ELP4: variants seen among roughly 807,000 people sequenced by gnomAD.
ELP4 encodes the protein elongator complex protein 4.
In ELP4, 51 loss-of-function variants were observed where a neutral mutation model predicts 48.9. The ratio of observed to expected loss-of-function variants is 1.04; its 90% CI spans 0.83 to 1.32. The LOEUF (loss-of-function observed/expected upper bound fraction) is 1.32, where lower values mean the gene tolerates loss of function less well. Among genes scored for constraint, ELP4 ranks in the 40% most tolerant of loss-of-function variants. The pLI is 0.00. For missense variants in ELP4, 519 were observed against 514.6 expected, an observed-to-expected ratio of 1.01 and a Z score of -0.08; for synonymous variants, 210 against 189.2, an observed-to-expected ratio of 1.11 and a Z score of -0.90.
chr11:31,566,526 C>T (rs942746367), intron 3 of ELP4, among the ~76,000 whole-genome samples: 8 of 152,062 alleles, frequency 5.3e-5, no homozygotes, highest in African/African-American at 1.9e-4. Flanking sequence ...TGAAGAGTTA[C>T]CAGGTAGTCA....
chr11:31,768,226 A>G (rs1017214138), intron 9 of ELP4, among the ~76,000 whole-genome samples: 1 of 152,230 alleles, frequency 6.6e-6, no homozygotes, highest in Non-Finnish European at 1.5e-5. Flanking sequence ...ATATACTTAC[A>G]CTTAAATATA....
intron 1 of ELP4, chr11:31,510,747 T>A (rs1294067856): frequency 5.4e-6 from 1 of 186,238 alleles, no homozygotes; most frequent in African/African-American, 2.3e-5. Context: ...CTTTAAAATC[T>A]CTGGAATTTT....
chr11:31,664,567 G>A (rs1407081880), intron 9 of ELP4: 7 of 151,794 alleles, frequency 4.6e-5, no homozygotes, highest in Admixed American at 4.6e-4. Flanking sequence ...ATTTAGATTA[G>A]GTTCTTCCAC....
chr11:31,593,236 T>G (rs1957615687), intron 3 of ELP4, among the ~76,000 whole-genome samples: 2 of 24,592 alleles, frequency 8.1e-5, no homozygotes, highest in African/African-American at 1.2e-4. Flanking sequence ...ACTGTTGTTG[T>G]TGTTGTTGTT....
intron 5 of ELP4, among the ~76,000 whole-genome samples, chr11:31,615,459 ATTG>A (rs200202765): frequency 6.8e-4 from 104 of 152,082 alleles, no homozygotes; most frequent in African/African-American, 9.6e-4. Context: ...AGCCATCATA[ATTG>A]TTATTATTTC....
chr11:31,655,378 G>A (rs1445580767), intron 9 of ELP4, among the ~76,000 whole-genome samples: 1 of 149,770 alleles, frequency 6.7e-6, no homozygotes. Context: ...GAAGAGATAA[G>A]AAAAAAAAAA....
intron 9 of ELP4, among the ~76,000 whole-genome samples, chr11:31,719,042 T>G (rs1040608148): frequency 1.3e-5 from 2 of 152,096 alleles, no homozygotes; most frequent in African/African-American, 4.8e-5. Context: ...GAGGATCACT[T>G]GAGCCCAGGA....
intron 5 of ELP4, among the ~76,000 whole-genome samples, chr11:31,614,875 G>A (rs558429864): frequency 2.2e-4 from 33 of 152,272 alleles, no homozygotes; most frequent in Admixed American, 2.2e-3. Flanking sequence ...CTTCCATATT[G>A]AAGGAGACTG....
At chr11:31,709,073 A>G (rs1459658566) in intron 9 of ELP4, among the ~76,000 whole-genome samples, 1 of 152,096 alleles carries the variant, frequency 6.6e-6, no homozygotes, top group East Asian at 1.9e-4. Context: ...CTACTCTCTA[A>G]CAACTCTCTG....
At chr11:31,556,287 T>C (rs751409534) in intron 3 of ELP4, among the ~76,000 whole-genome samples, 4 of 151,934 alleles carry the variant, frequency 2.6e-5, no homozygotes, top group Non-Finnish European at 5.9e-5. Flanking sequence ...TATAAGTATT[T>C]TTCAGTTAGC....
rs896010820 is a variant in ELP4 at position 31,684,857 on chromosome 11, G to A, written c.1143+34636G>A. 1.4e-4 allele frequency among the ~76,000 whole-genome samples: 21 copies of A among 152,156 alleles called. 1 individual carries two copies. The highest frequency in any genetic ancestry group is 4.8e-4 in the African/African-American group (20 of 41,440). Reference sequence around the variant, plus strand: ...CAATAGACTTTTAGAAAGAAACACTGAACACTGTCTTCACAGGGAGTGTCT... The same window carrying A: ...CAATAGACTTTTAGAAAGAAACACTAAACACTGTCTTCACAGGGAGTGTCT... On this transcript the variant is annotated intron_variant, in intron 9 of 9. Coordinates refer to ENST00000640961, the MANE Select transcript of ELP4 (RefSeq NM_019040.5).
chr11:31,559,289 C>G (rs1454822277), intron 3 of ELP4, among the ~76,000 whole-genome samples: 3 of 152,184 alleles, frequency 2.0e-5, no homozygotes, highest in African/African-American at 4.8e-5. Context: ...GAAACTGACA[C>G]CTGCAGCAAG....
At chr11:31,544,691 C>A (rs1000504188) in intron 3 of ELP4, among the ~76,000 whole-genome samples, 1 of 152,242 alleles carries the variant, frequency 6.6e-6, no homozygotes, top group Non-Finnish European at 1.5e-5. Flanking sequence ...GATGGGCAGA[C>A]TGCCTCCTCA....
At chr11:31,777,868 G>A (rs1175275747) in intron 9 of ELP4, among the ~76,000 whole-genome samples, 1 of 152,210 alleles carries the variant, frequency 6.6e-6, no homozygotes, top group African/African-American at 2.4e-5. Flanking sequence ...GAGGGTAGGA[G>A]TGTCTCTGTA....
At chr11:31,684,918 A>T (rs898941896) in intron 9 of ELP4, among the ~76,000 whole-genome samples, 1 of 152,236 alleles carries the variant, frequency 6.6e-6, no homozygotes, top group Admixed American at 6.5e-5. Context: ...GGAGCTGCTG[A>T]TATTCCTGAT....
intron 5 of ELP4, among the ~76,000 whole-genome samples, chr11:31,624,129 G>C (rs1944688834): frequency 1.3e-5 from 2 of 151,924 alleles, no homozygotes; most frequent in South Asian, 4.2e-4. Context: ...AACAGCCATT[G>C]TAGAAAACAG....
In ELP4 at chr11:31,730,981, A is replaced by G. The variant is rs578054178; in HGVS notation, c.1144-52412A>G. ...GATTACAAGCTCCTGAAAAAAAAAAAGAAGCCAGCAAATCTAAGTAAAAAT... is the reference window on the plus strand; with the variant it reads ...GATTACAAGCTCCTGAAAAAAAAAAGGAAGCCAGCAAATCTAAGTAAAAAT... On this transcript the variant is annotated intron_variant, in intron 9 of 9. Coordinates refer to ENST00000640961, the MANE Select transcript of ELP4 (RefSeq NM_019040.5). 1.7e-4 allele frequency among the ~76,000 whole-genome samples: 26 copies of G among 152,162 alleles called. No individual in the cohort carries two copies. In the East Asian group the frequency reaches 4.6e-3, roughly 27 times the overall value.
At chr11:31,762,068 A>T (rs1288023792) in intron 9 of ELP4, 1 of 152,264 alleles carries the variant, frequency 6.6e-6, no homozygotes, top group African/African-American at 2.4e-5. Context: ...TTAATGGAGG[A>T]TACTTGAAAA....
Position 31,612,209 on chromosome 11 carries a change from T to A in ELP4, c.653+8302T>A, listed in dbSNP as rs1316451101. On this transcript the variant is annotated intron_variant, in intron 5 of 9. Transcript: ENST00000640961. ...TATTTAAATGTCAATGCAAAAAAAA[T>A]TAATAAAGAGGGAATGGATGAAGAT... 4.6e-5 allele frequency among the ~76,000 whole-genome samples: 7 copies of A among 152,030 alleles called. No homozygotes were observed. In the East Asian group the frequency reaches 9.6e-4, roughly 21 times the overall value.
Sources: allele counts gnomAD v4.1 joint callset (sites outside exome capture counted in the v4.1 genomes callset), GRCh38; gene constraint gnomAD v4.1.1; transcripts MANE v1.5; gene names NCBI Gene and HGNC (gene_info 2026-07-23, HGNC 2026-07-21).